The following LIN7A variants were observed in gnomAD, a reference collection of about 807,000 sequenced individuals.
LIN7A encodes the protein protein lin-7 homolog A.
LIN7A carries 25 observed loss-of-function variants against 29.8 expected under a neutral mutation model. The observed-to-expected ratio is 0.84, with a 90% CI of 0.61 to 1.17. The LOEUF (loss-of-function observed/expected upper bound fraction) is 1.17. Among genes scored for constraint, LIN7A ranks in the 50% most tolerant of loss-of-function variants. The pLI, the probability that LIN7A is intolerant of heterozygous loss-of-function variation, is 0.00. For synonymous variants in LIN7A, 118 were observed against 107.5 expected (o/e 1.10, Z -0.60); for missense variants, 239 against 287.0 (o/e 0.83, Z 1.21).
chr12:80,882,537 G>T (rs1875114486), intron 2 of LIN7A, among the ~76,000 whole-genome samples: 1 of 151,612 alleles, frequency 6.6e-6, no homozygotes, highest in Non-Finnish European at 1.5e-5. Flanking sequence ...GCCCGCCTCG[G>T]CCTCCCAAAG....
intron 5 of LIN7A, among the ~76,000 whole-genome samples, chr12:80,806,296 T>C (rs1336320266): frequency 6.6e-6 from 1 of 152,202 alleles, no homozygotes; most frequent in Non-Finnish European, 1.5e-5. Context: ...ATTTCTAGCA[T>C]ATTATTGTGC....
chr12:80,849,376 A>G (rs1277419184), intron 2 of LIN7A, among the ~76,000 whole-genome samples: 1 of 152,186 alleles, frequency 6.6e-6, no homozygotes, highest in Non-Finnish European at 1.5e-5. Flanking sequence ...TATTTGCTCT[A>G]ATAGCCCATT....
chr12:80,807,090 T>TTTTTTTC (rs1871075314), intron 5 of LIN7A, among the ~76,000 whole-genome samples: 1 of 144,704 alleles, frequency 6.9e-6, no homozygotes, highest in Admixed American at 7.0e-5. Context: ...TTTTTTTTTT[T>TTTTTTTC]TGACGGAGTC....
intron 1 of LIN7A, among the ~76,000 whole-genome samples, chr12:80,908,752 A>G (rs1429905209): frequency 6.6e-6 from 1 of 152,044 alleles, no homozygotes; most frequent in Non-Finnish European, 1.5e-5. Flanking sequence ...GATGTTGACT[A>G]TCTTTTCATA....
At chr12:80,845,271 A>T (rs1873017412) in intron 4 of LIN7A, among the ~76,000 whole-genome samples, 2 of 151,486 alleles carry the variant, frequency 1.3e-5, no homozygotes, top group African/African-American at 4.9e-5. Flanking sequence ...TGAGTGCATT[A>T]GCCTTTTTCA....
chr12:80,814,043 A>G (rs1316253808), intron 4 of LIN7A, among the ~76,000 whole-genome samples: 3 of 152,176 alleles, frequency 2.0e-5, no homozygotes. Flanking sequence ...AAATTGAGTT[A>G]CAGAAAAATA....
chr12:80,908,034 A>G (rs571312468), intron 1 of LIN7A, among the ~76,000 whole-genome samples: 269 of 152,202 alleles, frequency 1.8e-3, no homozygotes, highest in Non-Finnish European at 2.9e-3. Context: ...CTATGACCTA[A>G]AAGTTGAGCA....
intron 1 of LIN7A, among the ~76,000 whole-genome samples, chr12:80,921,848 T>G (rs988499745): frequency 4.6e-5 from 7 of 152,230 alleles, no homozygotes; most frequent in African/African-American, 1.7e-4. Context: ...GTCTGCCTGG[T>G]CACAGAATAT....
intron 2 of LIN7A, among the ~76,000 whole-genome samples, chr12:80,883,870 T>C (rs1223039898): frequency 6.6e-6 from 1 of 152,244 alleles, no homozygotes; most frequent in Non-Finnish European, 1.5e-5. Flanking sequence ...CACGGTGACC[T>C]TTCCCACATA....
At chr12:80,807,154 C>G (rs2121510820) in intron 5 of LIN7A, among the ~76,000 whole-genome samples, 1 of 138,790 alleles carries the variant, frequency 7.2e-6, no homozygotes, top group South Asian at 2.3e-4. Context: ...TCACTGCAAG[C>G]TCCGCCTCTT....
intron 1 of LIN7A, chr12:80,935,973 T>C (rs1878195553): frequency 4.5e-6 from 1 of 221,772 alleles, no homozygotes; most frequent in Non-Finnish European, 1.0e-5. Context: ...GACCCAGGTA[T>C]GCAATCTTCT....
chr12:80,896,299 A>G (rs534807607), intron 1 of LIN7A, among the ~76,000 whole-genome samples: 1 of 152,234 alleles, frequency 6.6e-6, no homozygotes, highest in Non-Finnish European at 1.5e-5. Flanking sequence ...AATCAAGGCG[A>G]CAAGCGATAG....
chr12:80,862,223 A>G (rs1374362213), intron 2 of LIN7A, among the ~76,000 whole-genome samples: 3 of 152,218 alleles, frequency 2.0e-5, no homozygotes, highest in Non-Finnish European at 1.5e-5. Flanking sequence ...GAGTTTCATC[A>G]TATTTCACAA....
intron 1 of LIN7A, among the ~76,000 whole-genome samples, chr12:80,911,437 G>C (rs1876744208): frequency 6.6e-6 from 1 of 151,482 alleles, no homozygotes; most frequent in Non-Finnish European, 1.5e-5. Flanking sequence ...CTTGGAGGTT[G>C]GGTTGTAGAC....
At chr12:80,848,850 A>G (rs1873197577) in intron 2 of LIN7A, among the ~76,000 whole-genome samples, 1 of 152,160 alleles carries the variant, frequency 6.6e-6, no homozygotes, top group Non-Finnish European at 1.5e-5. Flanking sequence ...GAAAAACTGC[A>G]ATCGAAGGTT....
intron 4 of LIN7A, among the ~76,000 whole-genome samples, chr12:80,825,037 G>A (rs1391990404): frequency 6.6e-6 from 1 of 152,150 alleles, no homozygotes; most frequent in East Asian, 1.9e-4. Flanking sequence ...GAAAGAAAGG[G>A]CATCCAAATC....
chr12:80,816,208 C>A (rs1248262497), intron 4 of LIN7A, among the ~76,000 whole-genome samples: 1 of 152,040 alleles, frequency 6.6e-6, no homozygotes, highest in Non-Finnish European at 1.5e-5. Context: ...AGTTCAAGAC[C>A]AATCTGAGCA....
At chr12:80,908,330 G>A (rs1022035989) in intron 1 of LIN7A, among the ~76,000 whole-genome samples, 3 of 151,960 alleles carry the variant, frequency 2.0e-5, no homozygotes, top group Middle Eastern at 3.4e-3. Context: ...CTACTATATC[G>A]ATGTTAAATG....
intron 2 of LIN7A, among the ~76,000 whole-genome samples, chr12:80,885,028 G>A (rs1246139345): frequency 6.6e-6 from 1 of 152,004 alleles, no homozygotes; most frequent in Non-Finnish European, 1.5e-5. Flanking sequence ...GTTGCCACAA[G>A]AATTCCTTTG....
Sources: allele counts gnomAD v4.1 joint callset (sites outside exome capture counted in the v4.1 genomes callset), GRCh38; gene constraint gnomAD v4.1.1; transcripts MANE v1.5; gene names NCBI Gene and HGNC (gene_info 2026-07-23, HGNC 2026-07-21).